Variants in DNAAF1 observed in about 807,000 individuals in gnomAD.
DNAAF1 encodes dynein assembly factor 1, axonemal.
A neutral mutation model predicts 71.1 loss-of-function variants in DNAAF1; 65 were observed. That is an observed-to-expected ratio of 0.91 (90% CI 0.75 to 1.12). DNAAF1 has a LOEUF of 1.12. Among genes scored for constraint, DNAAF1 ranks in the 50% most tolerant of loss-of-function variants. The pLI, the probability that DNAAF1 is intolerant of heterozygous loss-of-function variation, is 0.00. For synonymous variants in DNAAF1, 414 were observed against 354.6 expected, an observed-to-expected ratio of 1.17 and a Z score of -1.88; for missense variants, 1,178 against 899.8, an observed-to-expected ratio of 1.31 and a Z score of -3.96.
At position 84,160,048 on chromosome 16, in the gene DNAAF1, A is replaced by G. The variant is rs28698204; in HGVS notation, c.863+252A>G. Among the ~76,000 whole-genome samples the G allele has an allele frequency of 9.5e-3, 1,446 of 152,268 alleles. 33 individuals are homozygous for G. Among genetic ancestry groups the G allele is most frequent in the African/African-American group, 0.032 (1,320 of 41,556 alleles). On this transcript the variant is annotated intron_variant, in intron 6 of 11. Transcript: ENST00000378553. Reference sequence around the variant, plus strand: ...TTGCTGATGAGTTCCTTGGAATGGAATTTTTGGAGTAGTATCACTGCATTG... The same window carrying G: ...TTGCTGATGAGTTCCTTGGAATGGAGTTTTTGGAGTAGTATCACTGCATTG...
intron 3 of DNAAF1, among the ~76,000 whole-genome samples, chr16:84,153,594 T>C (rs2087279895): frequency 6.6e-6 from 1 of 152,214 alleles, no homozygotes; most frequent in Non-Finnish European, 1.5e-5. Flanking sequence ...GCATTTCTTT[T>C]TATTTTGCTC....
At position 84,145,447 on chromosome 16, in the gene DNAAF1, C is replaced by T. The variant is rs868661486; in HGVS notation, c.7C>T (p.Pro3Ser). The change falls in exon 1 of 12, where the codon CCT becomes TCT. Residue 3 changes from proline to serine, a missense_variant. By Grantham distance (74) the Pro-to-Ser change is moderately conservative. Coordinates refer to ENST00000378553, the MANE Select transcript of DNAAF1 (RefSeq NM_178452.6). MHPEPSEPATGGA... is the reference protein window; with the variant it reads MHSEPSEPATGGA... ...CGGTGTCGCCGAAGTAAACATGCAC[C>T]CTGAGCCCTCGGAGCCTGCGACAGG... 2.5e-6 allele frequency: 4 copies of T among 1,580,968 alleles called. No individual in the cohort carries two copies. In the South Asian group the frequency reaches 4.6e-5, roughly 18 times the overall value.
chr16:84,155,870 T>A, intron 5 of DNAAF1, 121 bp downstream of exon 5: 1 of 1,287,886 alleles, frequency 7.8e-7, no homozygotes, highest in Non-Finnish European at 1.1e-6. Context: ...TTTTTCACAC[T>A]TTTTTCCTCT....
chr16:84,145,388 C>T lies in DNAAF1; in HGVS notation c.-53C>T. On this transcript the variant is annotated 5_prime_UTR_variant, in exon 1 of 12. Transcript: ENST00000378553. ...GGGCTGGGGCCGTAGCGACGTCCGC[C>T]GCGAACCTGGGCCCCCCAAAGCTGC... 2.6e-6 allele frequency: 4 copies of T among 1,559,422 alleles called. No homozygotes were observed. The highest frequency in any genetic ancestry group is 3.5e-6 in the Non-Finnish European group (4 of 1,152,382).
At chr16:84,152,455 C>T (rs528900983) in intron 3 of DNAAF1, among the ~76,000 whole-genome samples, 48 of 151,862 alleles carry the variant, frequency 3.2e-4, no homozygotes, top group African/African-American at 1.1e-3. Flanking sequence ...CCAGTCTGGC[C>T]AACATGGTGA....
intron 3 of DNAAF1, among the ~76,000 whole-genome samples, chr16:84,151,741 C>T (rs540237539): frequency 5.9e-5 from 9 of 152,310 alleles, no homozygotes; most frequent in African/African-American, 1.7e-4. Flanking sequence ...AGACTGTCAG[C>T]GCAGTCTCAC....
rs374606494 is a variant in DNAAF1, at chr16:84,169,865, T to G, written c.1037T>G (p.Met346Arg). The part of the protein sequence containing the change: ...RQRESQERGE[M>R]TSSDDGENVP... ...TTGCATTTTCTGCCATTAGGGGAGA[T>G]GACATCTTCAGATGATGGTGAGAAT... Residue 346 changes from methionine to arginine, a missense_variant, in exon 8 of 12, where the codon ATG becomes AGG. Coordinates refer to ENST00000378553, the MANE Select transcript of DNAAF1 (RefSeq NM_178452.6). 3 of 1,613,740 alleles carry G rather than the reference T, an allele frequency of 1.9e-6. No individual in the cohort carries two copies. The South Asian group carries it at 3.3e-5, about 18-fold the overall frequency.
At chr16:84,148,082 T>C (rs1402042625) in intron 1 of DNAAF1, among the ~76,000 whole-genome samples, 2 of 151,638 alleles carry the variant, frequency 1.3e-5, no homozygotes, top group East Asian at 1.9e-4. Flanking sequence ...AAAAAAGAAA[T>C]AAAACATTTC....
At chr16:84,154,916 T>G (rs927681505) in intron 4 of DNAAF1, 118 bp downstream of exon 4, 3 of 947,366 alleles carry the variant, frequency 3.2e-6, no homozygotes, top group Non-Finnish European at 4.9e-6. Context: ...GTCTTTTTTT[T>G]GTTTTTTTTT....
At position 84,176,735 on chromosome 16, in the gene DNAAF1, C is replaced by T. The variant is rs186877526; in HGVS notation, c.2065+436C>T. The stretch of plus-strand genomic sequence containing the variant: ...AAGCGAGGTGACAGCCACACAAGGG[C>T]GTGGCTGCTTCACAGTGACCCAGGC... On this transcript the variant is annotated intron_variant, in intron 11 of 11. Coordinates refer to ENST00000378553, the MANE Select transcript of DNAAF1 (RefSeq NM_178452.6). 1.0e-3 allele frequency: 277 copies of T among 276,106 alleles called. 5 individuals are homozygous for T. Among genetic ancestry groups the T allele is most frequent in the African/African-American group, 5.4e-3 (250 of 46,166 alleles). 17.1% of individuals were successfully genotyped at this position (276,106 alleles called of 1,614,324 possible). A position where few individuals can be genotyped will look rare whatever the true frequency, so the allele number is the denominator to read the frequency against.
intron 3 of DNAAF1, among the ~76,000 whole-genome samples, chr16:84,154,041 A>G (rs576373151): frequency 6.6e-6 from 1 of 152,298 alleles, no homozygotes; most frequent in African/African-American, 2.4e-5. Context: ...ATAGGCTGCC[A>G]GAGAGCCGTT....
chr16:84,157,505 T>C (rs1403130979), intron 5 of DNAAF1, among the ~76,000 whole-genome samples: 1 of 140,872 alleles, frequency 7.1e-6, no homozygotes, highest in Non-Finnish European at 1.5e-5. Context: ...AATGAGACAC[T>C]GTGTCAAAAA....
chr16:84,150,642 G>A (rs1050165030), intron 3 of DNAAF1, among the ~76,000 whole-genome samples: 14 of 123,790 alleles, frequency 1.1e-4, no homozygotes, highest in African/African-American at 1.6e-4. Flanking sequence ...TTGAGATGGT[G>A]TCTTGCTCTG....
intron 2 of DNAAF1, among the ~76,000 whole-genome samples, chr16:84,149,680 G>C (rs1224244420): frequency 9.0e-6 from 1 of 111,320 alleles, no homozygotes; most frequent in Admixed American, 1.1e-4. Flanking sequence ...GGCAGAGTGA[G>C]ACTCCATCTC....
chr16:84,154,908 C>A, intron 4 of DNAAF1, 110 bp downstream of exon 4: 1 of 1,023,876 alleles, frequency 9.8e-7, no homozygotes, highest in Non-Finnish European at 1.5e-6. Flanking sequence ...TTTTTTTTGT[C>A]TTTTTTTTGT....
At chr16:84,176,636 A>C in intron 11 of DNAAF1, 1 of 400,484 alleles carries the variant, frequency 2.5e-6, no homozygotes, top group Non-Finnish European at 4.8e-6. Context: ...CCTCCTCACC[A>C]TCCCTGGCCT....
intron 1 of DNAAF1, among the ~76,000 whole-genome samples, chr16:84,148,380 T>A (rs1182863453): frequency 6.6e-6 from 1 of 152,102 alleles, no homozygotes; most frequent in Non-Finnish European, 1.5e-5. Context: ...AAGTCATTGT[T>A]TTATGTAACC....
At chr16:84,157,851 G>C (rs1305649451) in intron 5 of DNAAF1, among the ~76,000 whole-genome samples, 1 of 152,210 alleles carries the variant, frequency 6.6e-6, no homozygotes, top group African/African-American at 2.4e-5. Context: ...TAATCCCCCC[G>C]TTTGTTCGTT....
intron 6 of DNAAF1, 138 bp downstream of exon 6, chr16:84,159,934 A>T: frequency 1.1e-6 from 1 of 905,214 alleles, no homozygotes; most frequent in South Asian, 1.6e-5. Flanking sequence ...TGATGGCTAC[A>T]TAATTGACTA....
Sources: gnomAD v4.1 joint callset for allele counts (sites outside exome capture counted in the v4.1 genomes callset) on GRCh38, gnomAD v4.1.1 for gene constraint, MANE v1.5 for transcripts, NCBI Gene and HGNC (gene_info 2026-07-23, HGNC 2026-07-21) for gene names.